The following PRKD2 variants were observed in gnomAD, a reference collection of about 807,000 sequenced individuals.
The protein encoded by PRKD2 is serine/threonine-protein kinase D2.
In PRKD2, 22 loss-of-function variants were observed where a neutral mutation model predicts 86.0. The ratio of observed to expected loss-of-function variants is 0.26; its 90% CI spans 0.18 to 0.37. PRKD2 has a LOEUF of 0.37. Ranked by LOEUF, PRKD2 falls within the 10% of genes least tolerant of loss-of-function variation. The pLI, the probability that PRKD2 is intolerant of heterozygous loss-of-function variation, is 1.00. For synonymous variants in PRKD2, 509 were observed against 510.9 expected (o/e 1.00, Z 0.05); for missense variants, 818 against 1,199.2 (o/e 0.68, Z 4.70).
intron 14 of PRKD2, among the ~76,000 whole-genome samples, chr19:46,683,564 A>G (rs561809836): frequency 2.0e-5 from 3 of 152,198 alleles, no homozygotes; most frequent in Admixed American, 2.0e-4. Flanking sequence ...TCTATTAAAA[A>G]TACAAAAATT....
Position 46,693,728 on chromosome 19 carries a change from A to G in PRKD2, c.1576+147T>C. The G allele has an allele frequency of 8.0e-7, 1 of 1,242,948 alleles. No individual in the cohort carries two copies. Among genetic ancestry groups the G allele is most frequent in the Non-Finnish European group, 1.1e-6 (1 of 903,894 alleles). 77.0% of individuals were successfully genotyped at this position (1,242,948 alleles called of 1,614,324 possible). A position where few individuals can be genotyped will look rare whatever the true frequency, so the allele number is the denominator to read the frequency against. On this transcript the variant is annotated intron_variant, in intron 10 of 17. Coordinates refer to ENST00000291281, the MANE Select transcript of PRKD2 (RefSeq NM_016457.5). The surrounding 1 kb of genome is among the most constrained non-coding windows in gnomAD (Gnocchi z 4.5). ...GCTGGGATTAACAGGAGTGATTAAC[A>G]GAGTTTGAACCCAGGCCTGCTGAGT...
chr19:46,678,601 CACT>C lies in PRKD2; in HGVS notation c.2130_2132del (p.Val712del). 6.2e-7 allele frequency: 1 copy of C among 1,613,138 alleles called. No homozygotes were observed. Among genetic ancestry groups the C allele is most frequent in the Non-Finnish European group, 8.5e-7 (1 of 1,180,032 alleles). On this transcript the variant is annotated inframe_deletion, in exon 16 of 18. Coordinates refer to ENST00000291281, the MANE Select transcript of PRKD2 (RefSeq NM_016457.5). This position sits in a 1 kb window ranked among gnomAD's most constrained non-coding sequence, Gnocchi z 5.7. ...GTGCCAGGTAGGCCGGCGTGCCCAC[CACT>C]GAGCGGCGGAACGACTTCTCGCCGA...
intron 15 of PRKD2, among the ~76,000 whole-genome samples, chr19:46,679,800 T>C (rs537853963): frequency 5.9e-4 from 90 of 152,228 alleles, no homozygotes; most frequent in Admixed American, 1.7e-3. Context: ...AATTTTTGTA[T>C]TTTTAGTAGA....
At chr19:46,714,479 G>GGGT (rs1055331758) in intron 1 of PRKD2, 1 of 151,550 alleles carries the variant, frequency 6.6e-6, no homozygotes, top group African/African-American at 2.5e-5. Context: ...TGGGAAAGTG[G>GGGT]GGGGGGGGGC....
chr19:46,689,506 G>C (rs771016875), intron 14 of PRKD2, 31 bp downstream of exon 14: 10 of 1,567,432 alleles, frequency 6.4e-6, no homozygotes, highest in Middle Eastern at 1.7e-4. Context: ...TGATGGGGAG[G>C]GGCGGGTGGC....
At position 46,678,191 on chromosome 19, in the gene PRKD2, C is replaced by T. The variant is rs2053239565; in HGVS notation, c.2338+205G>A. ...GGCACTTGGTTTCCAGCCCAAGTAA[C>T]CTAGTCTAGGCCTGAGTCCCAGCCC... is the stretch of plus-strand genomic sequence containing the variant. On this transcript the variant is annotated intron_variant, in intron 16 of 17. Transcript: ENST00000291281. The surrounding 1 kb of genome is among the most constrained non-coding windows in gnomAD (Gnocchi z 5.7). 6.6e-6 allele frequency among the ~76,000 whole-genome samples: 1 copy of T among 152,188 alleles called. No individual in the cohort carries two copies. The highest frequency in any genetic ancestry group is 1.5e-5 in the Non-Finnish European group (1 of 68,034).
chr19:46,696,396 A>C (rs952652555), intron 9 of PRKD2, among the ~76,000 whole-genome samples: 5 of 152,176 alleles, frequency 3.3e-5, no homozygotes, highest in Non-Finnish European at 7.4e-5. Context: ...GGTGGAAGAC[A>C]GTGGCTGGGA....
chr19:46,715,924 T>A (rs1380569636), intron 1 of PRKD2, among the ~76,000 whole-genome samples: 1 of 152,198 alleles, frequency 6.6e-6, no homozygotes, highest in African/African-American at 2.4e-5. Flanking sequence ...TGGGGAGGCC[T>A]CTGGGGCACC....
Position 46,693,797 on chromosome 19 carries a change from T to C in PRKD2, c.1576+78A>G, listed in dbSNP as rs557838072. ...ACCCCACCATTGCCCACTTTCCTCT[T>C]TGGCCCTTCCATTCCCCAGAACCGT... On this transcript the variant is annotated intron_variant, in intron 10 of 17. Transcript: ENST00000291281. The surrounding 1 kb of genome is among the most constrained non-coding windows in gnomAD (Gnocchi z 4.5). 1 of 1,508,126 alleles carries C rather than the reference T, an allele frequency of 6.6e-7. No homozygotes were observed. Among genetic ancestry groups the C allele is most frequent in the African/African-American group, 1.4e-5 (1 of 72,342 alleles). 93.4% of individuals were successfully genotyped at this position (1,508,126 alleles called of 1,614,324 possible).
In PRKD2 at chr19:46,713,929, G is replaced by A. The variant is rs759189553; in HGVS notation, c.313C>T (p.Leu105Phe). The change falls in exon 2 of 18, where the codon CTC becomes TTC. Residue 105 changes from leucine to phenylalanine, a missense_variant. Physicochemically the swap from Leu to Phe is conservative, Grantham distance 22. Transcript: ENST00000291281. Reference protein sequence around the residue: ...LFKHDPTSANLLQLVRSSGDI... With the variant: ...LFKHDPTSANFLQLVRSSGDI... ...CCGGACGAGCGCACCAGCTGCAGGAGGTTGGCCGACGTGGGGTCATGTTTG... is the reference window on the plus strand; with the variant it reads ...CCGGACGAGCGCACCAGCTGCAGGAAGTTGGCCGACGTGGGGTCATGTTTG... 2 of 1,613,538 alleles carry A rather than the reference G, an allele frequency of 1.2e-6. No homozygotes were observed. Among genetic ancestry groups the A allele is most frequent in the South Asian group, 1.1e-5 (1 of 91,066 alleles).
At chr19:46,686,212 C>T (rs2053394163) in intron 14 of PRKD2, 1 of 152,030 alleles carries the variant, frequency 6.6e-6, no homozygotes, top group Admixed American at 6.6e-5. Context: ...GTAAAAGTTC[C>T]ACTCTATGGC....
chr19:46,709,596 G>A (rs1414028289), intron 3 of PRKD2, among the ~76,000 whole-genome samples: 1 of 152,024 alleles, frequency 6.6e-6, no homozygotes, highest in African/African-American at 2.4e-5. Flanking sequence ...CCTGACCTCA[G>A]GTGATTCACC....
In PRKD2 at chr19:46,680,924, CTATA is replaced by C. The variant is rs1159306440; in HGVS notation, c.2070+722_2070+725del. On this transcript the variant is annotated intron_variant, in intron 15 of 17. Coordinates refer to ENST00000291281, the MANE Select transcript of PRKD2 (RefSeq NM_016457.5). ...ATAAAGTGCTATATGTTGGGATAAA[CTATA>C]TATATATATATATATATATTTTTTT... Among the ~76,000 whole-genome samples, 73 of 72,440 alleles carry C rather than the reference CTATA, an allele frequency of 1.0e-3. 2 individuals carry two copies. Among genetic ancestry groups the C allele is most frequent in the African/African-American group, 1.8e-3 (39 of 21,468 alleles). The allele number at this position is 72,440 out of a possible 152,430, so 47.5% of individuals were successfully genotyped here. A position where few individuals can be genotyped will look rare whatever the true frequency, so the allele number is the denominator to read the frequency against.
rs59172459 is a variant in PRKD2, at chr19:46,713,186, CTTT to C, written c.379+674_379+676del. ...GACGTGTGCCACCTCGCCCGGTTAA[CTTT>C]TTTTTTTTTTTTTTTTTTTAAGAGA... On this transcript the variant is annotated intron_variant, in intron 2 of 17. Coordinates refer to ENST00000291281, the MANE Select transcript of PRKD2 (RefSeq NM_016457.5). Among the ~76,000 whole-genome samples, 754 of 118,996 alleles carry C rather than the reference CTTT, an allele frequency of 6.3e-3. 11 individuals are homozygous for C. Among genetic ancestry groups the C allele is most frequent in the African/African-American group, 0.023 (690 of 30,530 alleles). The allele number at this position is 118,996 out of a possible 152,430, so 78.1% of individuals were successfully genotyped here. A position where few individuals can be genotyped will look rare whatever the true frequency, so the allele number is the denominator to read the frequency against.
At chr19:46,690,886 C>A (rs1056793042) in intron 12 of PRKD2, among the ~76,000 whole-genome samples, 180 bp from the exon 13 acceptor site, 2 of 152,018 alleles carry the variant, frequency 1.3e-5, no homozygotes, top group Non-Finnish European at 2.9e-5. Flanking sequence ...GGAGTAAAGG[C>A]AGAAAGAAGG....
chr19:46,695,792 T>TCC (rs1326372169), intron 9 of PRKD2, among the ~76,000 whole-genome samples: 121 of 152,278 alleles, frequency 7.9e-4, no homozygotes, highest in African/African-American at 2.8e-3. Flanking sequence ...AACCAGGTGA[T>TCC]GACATGGACA....
Position 46,700,956 on chromosome 19 carries a change from T to C in PRKD2, c.968-4A>G, listed in dbSNP as rs767153523. On this transcript the variant is annotated splice_polypyrimidine_tract_variant and splice_region_variant and intron_variant, in intron 6 of 17. Transcript: ENST00000291281. ...GTGGCCTCCTCCATCGGCACATCTG[T>C]GGGGACGGAGGCATCAGAGGGGTCT... The C allele has an allele frequency of 1.1e-5, 17 of 1,614,122 alleles. No individual in the cohort carries two copies. The South Asian group carries it at 1.6e-4, about 16-fold the overall frequency.
chr19:46,676,212 C>A lies in PRKD2; in HGVS notation c.2339-1094G>T, dbSNP rs138395105. On this transcript the variant is annotated intron_variant, in intron 16 of 17. Coordinates refer to ENST00000291281, the MANE Select transcript of PRKD2 (RefSeq NM_016457.5). The stretch of plus-strand genomic sequence containing the variant: ...GGGAGGCCGAGGCGGGTGGATCACC[C>A]GAGGTCAGGAGTTCGAGACAAGCCT... Among the ~76,000 whole-genome samples, 769 of 152,030 alleles carry A rather than the reference C, an allele frequency of 5.1e-3. 5 individuals carry two copies. Among genetic ancestry groups the A allele is most frequent in the African/African-American group, 0.018 (740 of 41,492 alleles).
chr19:46,677,924 G>A (rs1323990787), intron 16 of PRKD2, among the ~76,000 whole-genome samples: 1 of 152,162 alleles, frequency 6.6e-6, no homozygotes, highest in Non-Finnish European at 1.5e-5. Flanking sequence ...ACACAGCAAA[G>A]TAGCCATGCC....
Sources: gnomAD v4.1 joint callset for allele counts (sites outside exome capture counted in the v4.1 genomes callset) on GRCh38, gnomAD v4.1.1 for gene constraint, Gnocchi (gnomAD v3.1) non-coding constraint, MANE v1.5 for transcripts, NCBI Gene and HGNC (gene_info 2026-07-23, HGNC 2026-07-21) for gene names.